Variants in PON1 observed in about 807,000 individuals in gnomAD.
PON1 encodes the protein paraoxonase 1, also known as serum paraoxonase/arylesterase 1.
In PON1, 37 loss-of-function variants were observed where a neutral mutation model predicts 39.2. The ratio of observed to expected loss-of-function variants is 0.94; its 90% CI spans 0.73 to 1.24. The LOEUF (loss-of-function observed/expected upper bound fraction) is 1.24. Among genes scored for constraint, PON1 ranks in the 50% most tolerant of loss-of-function variants. The pLI is 0.00. For synonymous variants in PON1, 148 were observed against 152.2 expected (o/e 0.97, Z 0.21); for missense variants, 397 against 413.5 (o/e 0.96, Z 0.35).
chr7:95,298,497 C>A lies in PON1; in HGVS notation c.*447G>T. The stretch of plus-strand genomic sequence containing the variant: ...ACTTCATAATGCATATGTTTTCTGG[C>A]CTGTGAACTGGAGTCCCTGGGTGAG... On this transcript the variant is annotated 3_prime_UTR_variant, in exon 9 of 9. Transcript: ENST00000222381. 3.7e-6 allele frequency: 1 copy of A among 267,176 alleles called. No homozygotes were observed. The highest frequency in any genetic ancestry group is 7.3e-6 in the Non-Finnish European group (1 of 136,656). The allele number at this position is 267,176 out of a possible 1,614,324, so 16.6% of individuals were successfully genotyped here. A position where few individuals can be genotyped will look rare whatever the true frequency, so the allele number is the denominator to read the frequency against.
At chr7:95,306,111 T>C (rs1427819723) in intron 7 of PON1, among the ~76,000 whole-genome samples, 174 bp downstream of exon 7, 1 of 152,138 alleles carries the variant, frequency 6.6e-6, no homozygotes, top group Non-Finnish European at 1.5e-5. Flanking sequence ...CACTCTGCAG[T>C]TGAGTAAAAA....
intron 8 of PON1, among the ~76,000 whole-genome samples, chr7:95,301,996 C>A (rs1424155572): frequency 3.4e-5 from 5 of 146,984 alleles, no homozygotes; most frequent in African/African-American, 1.0e-4. Flanking sequence ...ACTTGGGAGG[C>A]TGAGGCAGGA....
At chr7:95,314,953 T>C (rs948446741) in intron 4 of PON1, among the ~76,000 whole-genome samples, 1 of 152,166 alleles carries the variant, frequency 6.6e-6, no homozygotes, top group Admixed American at 6.5e-5. Flanking sequence ...GACCTATAGC[T>C]TACAGATGCC....
Position 95,322,856 on chromosome 7 carries a change from T to C in PON1, c.74+1546A>G, listed in dbSNP as rs73724947. 9.9e-3 allele frequency among the ~76,000 whole-genome samples: 1,505 copies of C among 152,206 alleles called. 25 individuals are homozygous for C. Among genetic ancestry groups the C allele is most frequent in the African/African-American group, 0.034 (1,417 of 41,528 alleles). On this transcript the variant is annotated intron_variant, in intron 1 of 8. Transcript: ENST00000222381. The stretch of plus-strand genomic sequence containing the variant: ...TGCTCCCACCTGGGAAACTCAGAAA[T>C]CTCTTGAGGCATCCCTTGTGTGCTT...
chr7:95,319,100 G>A (rs1279536530), intron 1 of PON1, among the ~76,000 whole-genome samples: 3 of 148,770 alleles, frequency 2.0e-5, no homozygotes, highest in South Asian at 4.3e-4. Flanking sequence ...AACAGACGAC[G>A]TTAGCACAAC....
Position 95,302,325 on chromosome 7 carries a change from G to T in PON1, c.789C>A (p.Asp263Glu), listed in dbSNP as rs1441984760. The part of the protein sequence containing the change: ...NWTLTPLKSL[D>E]FNTLVDNISV... The stretch of plus-strand genomic sequence containing the variant: ...ATATGTTATCCACGAGGGTATTAAA[G>T]TCAAGGGACTTAAAAGATTAAAAAC... The change falls in exon 8 of 9, where the codon GAC (aspartate) becomes GAA (glutamate). Residue 263 changes from aspartate to glutamate, a missense_variant. Coordinates refer to ENST00000222381, the MANE Select transcript of PON1 (RefSeq NM_000446.7). 6.2e-7 allele frequency: 1 copy of T among 1,607,570 alleles called. No homozygotes were observed. Among genetic ancestry groups the T allele is most frequent in the African/African-American group, 1.3e-5 (1 of 74,766 alleles).
chr7:95,299,535 G>A (rs1005490340), intron 8 of PON1, among the ~76,000 whole-genome samples: 3 of 152,058 alleles, frequency 2.0e-5, no homozygotes, highest in African/African-American at 7.2e-5. Flanking sequence ...TTGAGTCAGT[G>A]GGCTGCAAAA....
chr7:95,300,751 T>A (rs1366128343), intron 8 of PON1, among the ~76,000 whole-genome samples: 7 of 152,222 alleles, frequency 4.6e-5, no homozygotes, highest in Admixed American at 1.3e-4. Context: ...GGTTACTAAA[T>A]GAGCTAACAA....
At position 95,298,227 on chromosome 7, in the gene PON1, C is replaced by T. The variant is rs938694333; in HGVS notation, c.*717G>A. On this transcript the variant is annotated 3_prime_UTR_variant, in exon 9 of 9. Transcript: ENST00000222381. ...TTCCTTTAACCAAGTCAAAGACACT[C>T]AAATGTACAATTTGTGCCAAGATCA... The T allele has an allele frequency of 9.1e-5, 14 of 153,340 alleles. No individual in the cohort carries two copies. The highest frequency in any genetic ancestry group is 2.1e-4 in the South Asian group (1 of 4,878). The allele number at this position is 153,340 out of a possible 1,614,324, so 9.5% of individuals were successfully genotyped here.
At chr7:95,309,514 C>A (rs930194173) in intron 5 of PON1, among the ~76,000 whole-genome samples, 1 of 152,002 alleles carries the variant, frequency 6.6e-6, no homozygotes, top group Non-Finnish European at 1.5e-5. Flanking sequence ...AAATTTACTA[C>A]CCCCAGGTGT....
intron 6 of PON1, among the ~76,000 whole-genome samples, chr7:95,307,516 T>C (rs1462370006): frequency 6.6e-6 from 1 of 152,234 alleles, no homozygotes; most frequent in Non-Finnish European, 1.5e-5. Flanking sequence ...TTGTTTGTTA[T>C]AGCTCACCAT....
In PON1 at chr7:95,298,800, C is replaced by T; in HGVS notation, c.*144G>A. 1.0e-6 allele frequency: 1 copy of T among 981,338 alleles called. No individual in the cohort carries two copies. The highest frequency in any genetic ancestry group is 1.6e-6 in the Non-Finnish European group (1 of 626,914). The allele number at this position is 981,338 out of a possible 1,614,324, so 60.8% of individuals were successfully genotyped here. A position where few individuals can be genotyped will look rare whatever the true frequency, so the allele number is the denominator to read the frequency against. ...AAAGCCCTACACATCATATCACTCC[C>T]AGTTAAACAGTGCTTTGATGCTTCA... On this transcript the variant is annotated 3_prime_UTR_variant, in exon 9 of 9. Transcript: ENST00000222381.
At position 95,316,886 on chromosome 7, in the gene PON1, C is replaced by T. The variant is rs1807780906; in HGVS notation, c.146-97G>A. 1.5e-5 allele frequency: 13 copies of T among 861,696 alleles called. No homozygotes were observed. In the South Asian group the frequency reaches 1.6e-4, roughly 10 times the overall value. The allele number at this position is 861,696 out of a possible 1,614,324, so 53.4% of individuals were successfully genotyped here. On this transcript the variant is annotated intron_variant, in intron 2 of 8. Transcript: ENST00000222381. ...CACCTCACTTGAAACTGGGGCTATACATCACTCTTCTTTAATAGGTTCAGA... is the reference window on the plus strand; with the variant it reads ...CACCTCACTTGAAACTGGGGCTATATATCACTCTTCTTTAATAGGTTCAGA...
intron 1 of PON1, among the ~76,000 whole-genome samples, chr7:95,322,137 T>C (rs989607571): frequency 6.6e-6 from 1 of 152,004 alleles, no homozygotes; most frequent in Non-Finnish European, 1.5e-5. Flanking sequence ...GGTTGGAGGA[T>C]TATTTGTCCT....
Position 95,298,858 on chromosome 7 carries a change from TCAGCTAAGAA to T in PON1, c.*76_*85del. 1.3e-6 allele frequency: 2 copies of T among 1,514,602 alleles called. No homozygotes were observed. The highest frequency in any genetic ancestry group is 1.8e-6 in the Non-Finnish European group (2 of 1,091,030). 93.8% of individuals were successfully genotyped at this position (1,514,602 alleles called of 1,614,324 possible). ...CACATTTAGGGTCAGCATTCATTGT[TCAGCTAAGAA>T]CACTGGGTCCTCGGAATATGGCAAG... On this transcript the variant is annotated 3_prime_UTR_variant, in exon 9 of 9. Transcript: ENST00000222381.
chr7:95,316,761 C>T lies in PON1; in HGVS notation c.174G>A (p.Leu58=), dbSNP rs1347107764. 1 of 1,613,502 alleles carries T rather than the reference C, an allele frequency of 6.2e-7. No homozygotes were observed. Among genetic ancestry groups the T allele is most frequent in the Non-Finnish European group, 8.5e-7 (1 of 1,179,524 alleles). Residue 58 remains leucine (L), a synonymous_variant, in exon 3 of 9, where the codon CTG becomes CTA. Coordinates refer to ENST00000222381, the MANE Select transcript of PON1 (RefSeq NM_000446.7). ...IETGSEDLEI[L]PNGLAFISSG... The stretch of plus-strand genomic sequence containing the variant: ...AGCTAATGAAAGCCAGTCCATTAGG[C>T]AGTATCTCCAAGTCTTCAGAGCCAG...
At chr7:95,323,917 G>A (rs1485983640) in intron 1 of PON1, among the ~76,000 whole-genome samples, 3 of 152,212 alleles carry the variant, frequency 2.0e-5, no homozygotes, top group Non-Finnish European at 4.4e-5. Flanking sequence ...AGCTCCACCT[G>A]CTCGGGTCCA....
At chr7:95,301,209 AC>A (rs972743990) in intron 8 of PON1, among the ~76,000 whole-genome samples, 7 of 152,146 alleles carry the variant, frequency 4.6e-5, no homozygotes, top group Non-Finnish European at 8.8e-5. Context: ...TCTTACTTGT[AC>A]CCAAAATAGT....
At chr7:95,323,710 T>C (rs1039532162) in intron 1 of PON1, among the ~76,000 whole-genome samples, 6 of 152,330 alleles carry the variant, frequency 3.9e-5, no homozygotes, top group African/African-American at 1.4e-4. Context: ...CTAACATTTA[T>C]TGAATAGCTA....
Sources: gnomAD v4.1 joint callset for allele counts (sites outside exome capture counted in the v4.1 genomes callset) on GRCh38, gnomAD v4.1.1 for gene constraint, MANE v1.5 for transcripts, NCBI Gene and HGNC (gene_info 2026-07-23, HGNC 2026-07-21) for gene names.